Variants in ANAPC10 observed in about 807,000 individuals in gnomAD.
ANAPC10 encodes anaphase-promoting complex subunit 10.
Under a neutral mutation model 22.0 loss-of-function variants are expected in ANAPC10, and 12 were observed. That is an observed-to-expected ratio of 0.55 (90% CI 0.35 to 0.88). ANAPC10 has a LOEUF of 0.88. ANAPC10 is among the 40% of genes least tolerant of loss of function. The pLI, the probability that ANAPC10 is intolerant of heterozygous loss-of-function variation, is 0.01. For missense variants in ANAPC10, 188 were observed against 220.9 expected, an observed-to-expected ratio of 0.85 and a Z score of 0.94; for synonymous variants, 65 against 69.5, an observed-to-expected ratio of 0.94 and a Z score of 0.32.
chr4:145,037,980 C>T (rs1738859207), intron 4 of ANAPC10, among the ~76,000 whole-genome samples: 1 of 147,642 alleles, frequency 6.8e-6, no homozygotes, highest in African/African-American at 2.5e-5. Context: ...CCAGTTGAAG[C>T]AGAAAGATAC....
rs141912881 is a variant in ANAPC10 at position 145,072,924 on chromosome 4, G to T, written c.207-8232C>A. ...TTTTTTTTTTTTTTTAGGAGACAGG[G>T]TCTCGCTCTGTCACCCAGGCTGGAG... On this transcript the variant is annotated intron_variant, in intron 3 of 4. Transcript: ENST00000507656. 1.6e-3 allele frequency among the ~76,000 whole-genome samples: 239 copies of T among 150,428 alleles called. 1 individual carries two copies. Among genetic ancestry groups the T allele is most frequent in the African/African-American group, 5.5e-3 (223 of 40,898 alleles).
Position 145,064,728 on chromosome 4 carries a change from T to TC in ANAPC10, c.207-37dup, listed in dbSNP as rs761050211. The TC allele has an allele frequency of 2.2e-5, 32 of 1,467,960 alleles. No individual in the cohort carries two copies. The South Asian group carries it at 2.2e-4, about 10-fold the overall frequency. The allele number at this position is 1,467,960 out of a possible 1,614,324, so 90.9% of individuals were successfully genotyped here. A position where few individuals can be genotyped will look rare whatever the true frequency, so the allele number is the denominator to read the frequency against. ...TAAAGTAAAAATAACATGCACTTCA[T>TC]CATATGAAAAGATTTCCAATGCATC... On this transcript the variant is annotated intron_variant, in intron 3 of 4. Coordinates refer to ENST00000507656, the MANE Select transcript of ANAPC10 (RefSeq NM_001256706.2).
chr4:145,065,218 TTC>T (rs1452065817), intron 3 of ANAPC10, among the ~76,000 whole-genome samples: 1 of 152,012 alleles, frequency 6.6e-6, no homozygotes, highest in African/African-American at 2.4e-5. Context: ...CTTTCTTTCT[TTC>T]TTTCTTTTGC....
At chr4:145,084,756 T>C (rs1230373785) in intron 2 of ANAPC10, among the ~76,000 whole-genome samples, 1 of 152,164 alleles carries the variant, frequency 6.6e-6, no homozygotes, top group Non-Finnish European at 1.5e-5. Flanking sequence ...CTACTTGAAA[T>C]ATAGCAAGTC....
chr4:144,996,545 T>A (rs552020029), intron 4 of ANAPC10, among the ~76,000 whole-genome samples: 1 of 152,234 alleles, frequency 6.6e-6, no homozygotes, highest in East Asian at 1.9e-4. Context: ...CAGCTTCTTG[T>A]CCATGCTGCT....
At chr4:145,009,106 T>C (rs1327087160) in intron 4 of ANAPC10, among the ~76,000 whole-genome samples, 3 of 151,818 alleles carry the variant, frequency 2.0e-5, no homozygotes, top group Admixed American at 2.0e-4. Flanking sequence ...GAAAATAAAA[T>C]ACCTAGGAAT....
chr4:145,036,174 CATA>C (rs1386279754), intron 4 of ANAPC10, among the ~76,000 whole-genome samples: 1 of 151,944 alleles, frequency 6.6e-6, no homozygotes, highest in Non-Finnish European at 1.5e-5. Flanking sequence ...TGAAAACATG[CATA>C]ATGATTTCAG....
intron 4 of ANAPC10, among the ~76,000 whole-genome samples, chr4:145,045,168 T>A (rs531122478): frequency 1.3e-5 from 2 of 152,200 alleles, no homozygotes; most frequent in East Asian, 1.9e-4. Context: ...TTTATTTTTT[T>A]AAAAACACAC....
chr4:145,068,739 G>A (rs989519310), intron 3 of ANAPC10, among the ~76,000 whole-genome samples: 5 of 152,062 alleles, frequency 3.3e-5, no homozygotes, highest in South Asian at 2.1e-4. Flanking sequence ...GTGAAATCCC[G>A]TCTCCACTAA....
chr4:145,016,278 G>A (rs1404582869), intron 4 of ANAPC10, among the ~76,000 whole-genome samples: 1 of 152,132 alleles, frequency 6.6e-6, no homozygotes, highest in Non-Finnish European at 1.5e-5. Context: ...AGAGTCTCAG[G>A]ATACAAAATC....
intron 1 of ANAPC10, 183 bp downstream of exon 1, chr4:145,097,937 G>A (rs1403350368): frequency 9.7e-6 from 2 of 206,646 alleles, no homozygotes; most frequent in Non-Finnish European, 2.0e-5. Flanking sequence ...ACAGTAAGCC[G>A]TGTCGGCACC....
upstream of ANAPC10, chr4:145,098,234 A>G (rs1051654201): frequency 6.6e-6 from 1 of 151,740 alleles, no homozygotes; most frequent in African/African-American, 2.4e-5. Flanking sequence ...CTCCCTACCT[A>G]CCTCCAGGGT....
chr4:145,092,419 G>C (rs1270263099), intron 2 of ANAPC10, among the ~76,000 whole-genome samples: 1 of 152,044 alleles, frequency 6.6e-6, no homozygotes, highest in Non-Finnish European at 1.5e-5. Flanking sequence ...TCCAGGAATG[G>C]GGCAGCCCCC....
At chr4:145,051,257 G>T (rs1255130684) in intron 4 of ANAPC10, among the ~76,000 whole-genome samples, 6 of 152,170 alleles carry the variant, frequency 3.9e-5, no homozygotes, top group African/African-American at 1.2e-4. Context: ...TAAAAAAGCA[G>T]CCAGTTGGTG....
At chr4:145,074,421 T>A (rs1372812991) in intron 3 of ANAPC10, among the ~76,000 whole-genome samples, 1 of 152,120 alleles carries the variant, frequency 6.6e-6, no homozygotes, top group Non-Finnish European at 1.5e-5. Context: ...GTTTTCTGCA[T>A]GGCTGATAGA....
chr4:145,074,903 A>G (rs902790352), intron 3 of ANAPC10, among the ~76,000 whole-genome samples: 2 of 152,242 alleles, frequency 1.3e-5, no homozygotes, highest in African/African-American at 4.8e-5. Flanking sequence ...CAAAACATCT[A>G]ATTCCTCCAC....
rs542788173 is a variant in ANAPC10 at position 144,994,599 on chromosome 4, T to C, written c.*774A>G. ...TATTTCTTTAAAATCTTTTAATATA[T>C]ATAAAAAATTTCACATACTTTTACG... On this transcript the variant is annotated 3_prime_UTR_variant, in exon 5 of 5. Coordinates refer to ENST00000507656, the MANE Select transcript of ANAPC10 (RefSeq NM_001256706.2). The C allele has an allele frequency of 3.9e-5, 6 of 152,194 alleles. No individual in the cohort carries two copies. In the East Asian group the frequency reaches 1.2e-3, roughly 29 times the overall value. 9.4% of individuals were successfully genotyped at this position (152,194 alleles called of 1,614,324 possible). A position where few individuals can be genotyped will look rare whatever the true frequency, so the allele number is the denominator to read the frequency against.
In ANAPC10 at chr4:145,031,233, G is replaced by T. The variant is rs150678034; in HGVS notation, c.327+33339C>A. 2.6e-5 allele frequency among the ~76,000 whole-genome samples: 4 copies of T among 152,300 alleles called. No homozygotes were observed. The East Asian group carries it at 7.7e-4, about 29-fold the overall frequency. ...TTTCCCTTCCACAAGATATCACACT[G>T]GTCCATTACATTGATGACATTGTGC... On this transcript the variant is annotated intron_variant, in intron 4 of 4. Transcript: ENST00000507656.
At chr4:145,064,309 G>T (rs2126466999) in intron 4 of ANAPC10, 1 of 241,832 alleles carries the variant, frequency 4.1e-6, no homozygotes, top group East Asian at 8.0e-5. Flanking sequence ...GAAGAATCTA[G>T]GAAGTGAGTA....
Sources: gnomAD v4.1 joint callset for allele counts (sites outside exome capture counted in the v4.1 genomes callset) on GRCh38, gnomAD v4.1.1 for gene constraint, MANE v1.5 for transcripts, NCBI Gene and HGNC (gene_info 2026-07-23, HGNC 2026-07-21) for gene names.